TAS2R14: variants seen among roughly 807,000 people sequenced by gnomAD.
TAS2R14 encodes the protein taste 2 receptor member 14.
For synonymous variants in TAS2R14, 131 were observed against 131.0 expected, an observed-to-expected ratio of 1.00 and a Z score of 0.00; for missense variants, 383 against 372.0, an observed-to-expected ratio of 1.03 and a Z score of -0.24.
exon 1 of TAS2R14, chr12:10,938,839 C>G (rs1228790689): frequency 6.2e-7 from 1 of 1,613,512 alleles, no homozygotes; most frequent in Non-Finnish European, 8.5e-7. Context: ...TAACCCTCCA[C>G]TTTAGGTAGA....
At chr12:10,938,116 T>C (rs1950319156) in exon 1 of TAS2R14, 1 of 600,266 alleles carries the variant, frequency 1.7e-6, no homozygotes, top group South Asian at 2.5e-5. Context: ...TCCTAATTTG[T>C]GATATGTTTG....
At chr12:10,937,468 T>A (rs1175384815) in exon 1 of TAS2R14, 4 of 152,020 alleles carry the variant, frequency 2.6e-5, no homozygotes, top group African/African-American at 9.7e-5. Context: ...AAACAAATAT[T>A]CTCCCTGAAG....
At chr12:10,937,660 A>C (rs994282079) in exon 1 of TAS2R14, 1 of 152,190 alleles carries the variant, frequency 6.6e-6, no homozygotes, top group Non-Finnish European at 1.5e-5. Flanking sequence ...TAAAATGGAG[A>C]AGTAAAATAA....
exon 1 of TAS2R14, chr12:10,939,217 G>A: frequency 6.7e-7 from 1 of 1,483,498 alleles, no homozygotes; most frequent in Non-Finnish European, 9.1e-7. Flanking sequence ...TTGCCTGTAA[G>A]AGCATGCCCC....
exon 1 of TAS2R14, chr12:10,939,231 G>T: frequency 7.3e-7 from 1 of 1,372,790 alleles, no homozygotes. Flanking sequence ...ATGCCCCAAT[G>T]TCTAATATCA....
chr12:10,938,824 C>A (rs769128277), exon 1 of TAS2R14: 2 of 1,613,500 alleles, frequency 1.2e-6, no homozygotes, highest in Non-Finnish European at 1.7e-6. Context: ...CCAAAACCAC[C>A]TTTTTAACCC....
At chr12:10,938,624 A>G (rs1400577912) in exon 1 of TAS2R14, 2 of 1,613,748 alleles carry the variant, frequency 1.2e-6, no homozygotes, top group Admixed American at 1.7e-5. Flanking sequence ...AAACATTGCC[A>G]GGGACAAAGT....
exon 1 of TAS2R14, chr12:10,937,675 T>TATAA (rs1484310777): frequency 6.6e-6 from 1 of 152,128 alleles, no homozygotes; most frequent in Non-Finnish European, 1.5e-5. Context: ...AAATAATCAT[T>TATAA]ATAAGTCACT....
exon 1 of TAS2R14, chr12:10,937,668 T>C: frequency 6.6e-6 from 1 of 152,246 alleles, no homozygotes; most frequent in South Asian, 2.1e-4. Context: ...AGAAGTAAAA[T>C]AATCATTATA....
chr12:10,938,034 T>C (rs1244925826), exon 1 of TAS2R14: 4 of 414,912 alleles, frequency 9.6e-6, no homozygotes, highest in African/African-American at 8.2e-5. Context: ...AAATCTATAT[T>C]ATCTGTTTGT....
At chr12:10,938,879 T>C (rs555536260) in exon 1 of TAS2R14, 13 of 1,613,856 alleles carry the variant, frequency 8.1e-6, no homozygotes, top group South Asian at 2.2e-5. Flanking sequence ...ATTGGCTATC[T>C]TGAGAAAATA....
chr12:10,938,579 T>C (rs780814771), exon 1 of TAS2R14: 1 of 1,613,986 alleles, frequency 6.2e-7, no homozygotes, highest in South Asian at 1.1e-5. Context: ...CTGCATCTTC[T>C]TGCGATGTTT....
exon 1 of TAS2R14, chr12:10,938,267 C>T: frequency 6.3e-7 from 1 of 1,588,178 alleles, no homozygotes. Context: ...AGATGATTCT[C>T]TAAATTCTTT....
chr12:10,939,188 C>T, exon 1 of TAS2R14: 1 of 1,577,192 alleles, frequency 6.3e-7, no homozygotes, highest in Non-Finnish European at 8.6e-7. Flanking sequence ...TGTAAATATG[C>T]TCTTTATGAC....
At chr12:10,938,001 A>G in exon 1 of TAS2R14, 1 of 346,252 alleles carries the variant, frequency 2.9e-6, no homozygotes. Context: ...TAAAAATCTC[A>G]AAAAAGGTGA....
chr12:10,938,227 T>C (rs778409393), exon 1 of TAS2R14: 2 of 1,439,984 alleles, frequency 1.4e-6, no homozygotes, highest in South Asian at 2.7e-5. Context: ...CAAGAATTTC[T>C]TAGGAGCTAT....
exon 1 of TAS2R14, chr12:10,937,996 A>T (rs1950317368): frequency 2.9e-6 from 1 of 341,318 alleles, no homozygotes; most frequent in African/African-American, 2.1e-5. Context: ...TCATTTAAAA[A>T]TCTCAAAAAA....
chr12:10,938,683 A>C (rs975413530), exon 1 of TAS2R14: 1 of 1,613,976 alleles, frequency 6.2e-7, no homozygotes, highest in Non-Finnish European at 8.5e-7. Context: ...TAAGACTGGA[A>C]AATCGTGTAA....
At chr12:10,938,130 G>A (rs1950319476) in exon 1 of TAS2R14, 1 of 633,986 alleles carries the variant, frequency 1.6e-6, no homozygotes, top group Non-Finnish European at 2.7e-6. Context: ...ATGTTTGGAT[G>A]GTGTTGATTC....
Sources: allele counts gnomAD v4.1 joint callset, GRCh38; gene constraint gnomAD v4.1.1; transcripts MANE v1.5; gene names NCBI Gene and HGNC (gene_info 2026-07-23, HGNC 2026-07-21).